Variants in CFAP410 observed in about 807,000 individuals in gnomAD.
The protein encoded by CFAP410 is cilia- and flagella-associated protein 410.
In CFAP410, 27 loss-of-function variants were observed where a neutral mutation model predicts 25.7. The ratio of observed to expected loss-of-function variants is 1.05; its 90% CI spans 0.77 to 1.45. The LOEUF (loss-of-function observed/expected upper bound fraction) is 1.45. Among genes scored for constraint, CFAP410 ranks in the 40% most tolerant of loss-of-function variants. CFAP410 has a pLI of 0.00. For synonymous variants in CFAP410, 178 were observed against 158.4 expected (o/e 1.12, Z -0.93); for missense variants, 428 against 354.1 (o/e 1.21, Z -1.67).
chr21:44,330,665 A>G (rs1419825303), intron 6 of CFAP410, 158 bp downstream of exon 6: 1 of 1,548,448 alleles, frequency 6.5e-7, no homozygotes, highest in Non-Finnish European at 8.7e-7. Context: ...AGACCCGCAC[A>G]CGCAGCTCCC....
intron 2 of CFAP410, among the ~76,000 whole-genome samples, chr21:44,337,254 A>C (rs1471657571): frequency 1.3e-5 from 2 of 152,172 alleles, no homozygotes; most frequent in Admixed American, 1.3e-4. Flanking sequence ...GGCAGCGGCA[A>C]GGGGGTACAA....
intron 4 of CFAP410, 158 bp from the exon 5 acceptor site, chr21:44,332,172 G>A (rs941490102): frequency 3.9e-5 from 23 of 591,138 alleles, no homozygotes; most frequent in Middle Eastern, 3.4e-4. Context: ...AGTAGCAGCC[G>A]GTTCCTCACT....
At position 44,331,907 on chromosome 21, in the gene CFAP410, G is replaced by A. The variant is rs2047655285; in HGVS notation, c.481C>T (p.Leu161=). 6.2e-7 allele frequency: 1 copy of A among 1,613,294 alleles called. No homozygotes were observed. The highest frequency in any genetic ancestry group is 1.1e-5 in the South Asian group (1 of 90,990). ...TCAGCAGCGGAGCTGAGGGAGCTCA[G>A]TGTGCAGCATAGCTTGGGGCCGCCG... ...GHGGPKLCCT[L]SSLSSAAETG... is the part of the protein sequence containing the mutation. Residue 161 remains leucine (L), a synonymous_variant, in exon 5 of 7, where the codon CTG becomes TTG. Transcript: ENST00000339818.
intron 6 of CFAP410, chr21:44,330,529 G>C: frequency 1.3e-6 from 2 of 1,548,250 alleles, no homozygotes; most frequent in Non-Finnish European, 1.7e-6. Flanking sequence ...CCTCTTCCAC[G>C]TGACTCCTGT....
intron 6 of CFAP410, chr21:44,330,607 C>T: frequency 3.2e-5 from 49 of 1,550,000 alleles, no homozygotes; most frequent in Non-Finnish European, 4.3e-5. Flanking sequence ...GCTGAGGGGC[C>T]AGGACGGCTC....
intron 3 of CFAP410, chr21:44,333,932 C>T (rs2047700079): frequency 2.8e-6 from 1 of 362,344 alleles, no homozygotes; most frequent in South Asian, 2.0e-5. Context: ...CCGGCAGGCG[C>T]CTCAGAAGGG....
At chr21:44,336,201 T>A (rs2047753665) in intron 2 of CFAP410, among the ~76,000 whole-genome samples, 1 of 152,146 alleles carries the variant, frequency 6.6e-6, no homozygotes, top group Admixed American at 6.5e-5. Context: ...TGACACCACC[T>A]TGCAGCCCAG....
chr21:44,333,510 G>T (rs1325722988), intron 3 of CFAP410: 2 of 579,208 alleles, frequency 3.5e-6, no homozygotes, highest in African/African-American at 3.7e-5. Context: ...TTGGCCCGAC[G>T]CTCCACATCA....
rs1279153630 is a variant in CFAP410, at chr21:44,337,125, C to G, written c.96+524G>C. Among the ~76,000 whole-genome samples the G allele has an allele frequency of 3.3e-5, 5 of 151,820 alleles. No individual in the cohort carries two copies. The East Asian group carries it at 9.6e-4, about 29-fold the overall frequency. On this transcript the variant is annotated intron_variant, in intron 2 of 6. Transcript: ENST00000339818. Reference sequence around the variant, plus strand: ...GAAAGAAACAATTGGTATGCGATCCCTGTGTAAGTTGGGGACATTTTGGAC... The same window carrying G: ...GAAAGAAACAATTGGTATGCGATCCGTGTGTAAGTTGGGGACATTTTGGAC...
In CFAP410 at chr21:44,329,475, G is replaced by T. The variant is rs1338694934; in HGVS notation, c.*723C>A. ...ATAAGACTTGCGACTCTTCCCAGAG[G>T]AAAGAAAACCCCTCTCAGATGCTCC... On this transcript the variant is annotated 3_prime_UTR_variant, in exon 7 of 7. Coordinates refer to ENST00000339818, the MANE Select transcript of CFAP410 (RefSeq NM_004928.3). The T allele has an allele frequency of 2.6e-5, 4 of 152,226 alleles. No individual in the cohort carries two copies. The highest frequency in any genetic ancestry group is 5.9e-5 in the Non-Finnish European group (4 of 68,074). The allele number at this position is 152,226 out of a possible 1,614,324, so 9.4% of individuals were successfully genotyped here.
intron 2 of CFAP410, chr21:44,336,739 G>C (rs1411144261): frequency 6.6e-6 from 1 of 151,680 alleles, no homozygotes; most frequent in Non-Finnish European, 1.5e-5. Flanking sequence ...GCTTTTTTTT[G>C]TCTTTAAGAA....
In CFAP410 at chr21:44,329,983, G is replaced by A. The variant is rs2047611077; in HGVS notation, c.*215C>T. The A allele has an allele frequency of 1.3e-5, 7 of 559,682 alleles. No individual in the cohort carries two copies. The South Asian group carries it at 1.7e-4, about 13-fold the overall frequency. The allele number at this position is 559,682 out of a possible 1,614,324, so 34.7% of individuals were successfully genotyped here. Reference sequence around the variant, plus strand: ...CCTAGAACCTCCAGACCACAGAAGGGGAGTCCTGGGGACAGGACTGGTGTA... The same window carrying A: ...CCTAGAACCTCCAGACCACAGAAGGAGAGTCCTGGGGACAGGACTGGTGTA... On this transcript the variant is annotated 3_prime_UTR_variant, in exon 7 of 7. Coordinates refer to ENST00000339818, the MANE Select transcript of CFAP410 (RefSeq NM_004928.3).
rs757262220 is a variant in CFAP410, at chr21:44,330,912, C to T, written c.553G>A (p.Ala185Thr). ...GGCTTCAGGCCACGTTCATCCTGGG[C>T]GCCGCTGCTGAGAGGGAGACAAAGG... is the stretch of plus-strand genomic sequence containing the variant. ...LDSEEEATSG[A>T]QDERGLKPPS... Residue 185 changes from alanine (A) to threonine (T), a missense_variant, in exon 6 of 7, where the codon GCC becomes ACC. By Grantham distance (58) the Ala-to-Thr change is moderately conservative (BLOSUM62 0). Coordinates refer to ENST00000339818, the MANE Select transcript of CFAP410 (RefSeq NM_004928.3). 1.4e-5 allele frequency: 23 copies of T among 1,592,048 alleles called. No individual in the cohort carries two copies. Among genetic ancestry groups the T allele is most frequent in the East Asian group, 2.3e-5 (1 of 44,160 alleles).
Position 44,339,210 on chromosome 21 carries a change from C to G in CFAP410, c.-16G>C. On this transcript the variant is annotated 5_prime_UTR_variant, in exon 1 of 7. Coordinates refer to ENST00000339818, the MANE Select transcript of CFAP410 (RefSeq NM_004928.3). ...TCAGCTTCATGGCGGCCGCCCAGGC[C>G]CGACCGGCGGGCGCCCCCGGCCTCC... The G allele has an allele frequency of 7.0e-7, 1 of 1,434,078 alleles. No homozygotes were observed. Among genetic ancestry groups the G allele is most frequent in the South Asian group, 1.4e-5 (1 of 70,150 alleles). The allele number at this position is 1,434,078 out of a possible 1,614,324, so 88.8% of individuals were successfully genotyped here.
In CFAP410 at chr21:44,333,064, G is replaced by A; in HGVS notation, c.342C>T (p.Thr114=). 6.2e-7 allele frequency: 1 copy of A among 1,601,342 alleles called. No individual in the cohort carries two copies. Among genetic ancestry groups the A allele is most frequent in the Non-Finnish European group, 8.5e-7 (1 of 1,171,894 alleles). The change falls in exon 4 of 7, where the codon ACC becomes ACT. Residue 114 remains threonine, a synonymous_variant. Transcript: ENST00000339818. ...TGTCCAGCTTCTGTAGGCGCGGCAG[G>A]GTGCGCAGCACGGTCATGCGGTAGC... ...PHRYRMTVLR[T]LPRLQKLDNQ... is the part of the protein sequence containing the mutation.
In CFAP410 at chr21:44,331,853, C is replaced by T. The variant is rs748728864; in HGVS notation, c.535G>A (p.Glu179Lys). Residue 179 changes from glutamate (E) to lysine (K), a missense_variant, in exon 5 of 7, where the codon GAG becomes AAG. Transcript: ENST00000339818. The stretch of plus-strand genomic sequence containing the variant: ...GCCCTCCAGCCTCACGTTGCCTCCT[C>T]CTCGCTGTCCAGCGGGTCCCGGCCA... Reference protein sequence around the residue: ...ETGRDPLDSEEEATSGAQDER... With the variant: ...ETGRDPLDSEKEATSGAQDER... 1 of 1,611,000 alleles carries T rather than the reference C, an allele frequency of 6.2e-7. No homozygotes were observed. Among genetic ancestry groups the T allele is most frequent in the African/African-American group, 1.3e-5 (1 of 74,894 alleles).
intron 1 of CFAP410, among the ~76,000 whole-genome samples, chr21:44,337,907 C>T (rs1446323283): frequency 6.6e-6 from 1 of 152,188 alleles, no homozygotes; most frequent in African/African-American, 2.4e-5. Context: ...TAAGGAGCAG[C>T]AGGGTTGCTC....
At chr21:44,331,522 C>G (rs1182318726) in intron 5 of CFAP410, 1 of 378,962 alleles carries the variant, frequency 2.6e-6, no homozygotes, top group Non-Finnish European at 4.8e-6. Context: ...CCTAGGCCAC[C>G]CCCCCCACCA....
At chr21:44,331,322 G>A (rs548224789) in intron 5 of CFAP410, 9 of 279,290 alleles carry the variant, frequency 3.2e-5, no homozygotes, top group East Asian at 3.1e-4. Flanking sequence ...CACCAGCAGC[G>A]GGTGTGATCT....
Sources: allele counts gnomAD v4.1 joint callset (sites outside exome capture counted in the v4.1 genomes callset), GRCh38; gene constraint gnomAD v4.1.1; transcripts MANE v1.5; gene names NCBI Gene and HGNC (gene_info 2026-07-23, HGNC 2026-07-21).